Variants in CCDC28A observed in about 807,000 individuals in gnomAD.
CCDC28A encodes the protein coiled-coil domain containing 28A, also known as coiled-coil domain-containing protein 28A.
CCDC28A carries 24 observed loss-of-function variants against 22.1 expected under a neutral mutation model. That is an observed-to-expected ratio of 1.09 (90% CI 0.79 to 1.53). CCDC28A has a LOEUF of 1.53. Among genes scored for constraint, CCDC28A ranks in the 40% most tolerant of loss-of-function variants. The pLI is 0.00. For missense variants in CCDC28A, 170 were observed against 210.7 expected, an observed-to-expected ratio of 0.81 and a Z score of 1.20; for synonymous variants, 83 against 74.7, an observed-to-expected ratio of 1.11 and a Z score of -0.57.
At chr6:138,783,382 CCTCAGCCTCCCAA>C (rs1282643446) in intron 3 of CCDC28A, among the ~76,000 whole-genome samples, 1 of 150,248 alleles carries the variant, frequency 6.7e-6, no homozygotes, top group Non-Finnish European at 1.5e-5. Flanking sequence ...CATCCTCCCA[CCTCAGCCTCCCAA>C]GTAGCTGGTA....
chr6:138,782,656 G>C (rs954669940), intron 3 of CCDC28A, among the ~76,000 whole-genome samples: 2 of 152,042 alleles, frequency 1.3e-5, no homozygotes, highest in African/African-American at 4.8e-5. Context: ...AGATATTTCT[G>C]TTTCTTCCAC....
intron 4 of CCDC28A, among the ~76,000 whole-genome samples, chr6:138,786,101 G>A (rs1388640481): frequency 6.6e-6 from 1 of 152,208 alleles, no homozygotes; most frequent in Non-Finnish European, 1.5e-5. Context: ...TGGCAGGGTT[G>A]CTTTTTTCTG....
chr6:138,774,043 A>G, intron 1 of CCDC28A, 141 bp downstream of exon 1: 1 of 1,028,514 alleles, frequency 9.7e-7, no homozygotes, highest in Non-Finnish European at 1.4e-6. Context: ...GTCAAGAGGG[A>G]TGCCCAGTGG....
chr6:138,782,774 A>G (rs1775038911), intron 3 of CCDC28A, among the ~76,000 whole-genome samples: 5 of 152,216 alleles, frequency 3.3e-5, no homozygotes, highest in Admixed American at 3.3e-4. Context: ...ACTAGCTTCA[A>G]CATTAGTAGT....
chr6:138,787,824 C>T (rs1297487346), intron 4 of CCDC28A, among the ~76,000 whole-genome samples: 2 of 149,510 alleles, frequency 1.3e-5, no homozygotes, highest in African/African-American at 4.9e-5. Flanking sequence ...GCATGCCTGG[C>T]CTCTCTCCTC....
intron 5 of CCDC28A, among the ~76,000 whole-genome samples, chr6:138,789,810 A>G (rs560289276): frequency 4.6e-5 from 7 of 152,278 alleles, no homozygotes; most frequent in African/African-American, 1.7e-4. Flanking sequence ...AAAAGAAATC[A>G]GGAAGTATAT....
intron 1 of CCDC28A, among the ~76,000 whole-genome samples, chr6:138,774,946 GTTTTGT>G (rs1774905244): frequency 1.3e-5 from 2 of 151,922 alleles, no homozygotes; most frequent in African/African-American, 4.8e-5. Flanking sequence ...TTTTTGTTTT[GTTTTGT>G]TTTGTTTTGT....
chr6:138,776,251 C>T lies in CCDC28A; in HGVS notation c.131C>T (p.Ser44Leu). The T allele has an allele frequency of 6.2e-7, 1 of 1,613,986 alleles. No homozygotes were observed. The highest frequency in any genetic ancestry group is 8.5e-7 in the Non-Finnish European group (1 of 1,179,894). The change falls in exon 2 of 6, where the codon TCA becomes TTA. Residue 44 changes from serine to leucine, a missense_variant. Physicochemically the swap from Ser to Leu is moderately radical, Grantham distance 145. Transcript: ENST00000617445. ...STGFSNPASQ[S>L]TSQRPKLKRV... Reference sequence around the variant, plus strand: ...GGGTTTTCAAATCCTGCATCACAGTCAACTTCACAGCGACCAAAGTTAAAA... The same window carrying T: ...GGGTTTTCAAATCCTGCATCACAGTTAACTTCACAGCGACCAAAGTTAAAA...
chr6:138,779,946 C>A lies in CCDC28A; in HGVS notation c.283C>A (p.Leu95Ile). ...VQEMERGLLS[L>I]LNDFHSGKLQ... ...GGAGATGGAGAGAGGGCTGCTCAGT[C>A]TTTTGAATGATTTCCACTCTGGAAA... Residue 95 changes from leucine to isoleucine, a missense_variant, in exon 3 of 6, where the codon CTT becomes ATT. Physicochemically the swap from Leu to Ile is conservative, Grantham distance 5 (BLOSUM62 2). Coordinates refer to ENST00000617445, the MANE Select transcript of CCDC28A (RefSeq NM_015439.3). The A allele has an allele frequency of 6.2e-7, 1 of 1,612,820 alleles. No homozygotes were observed. The highest frequency in any genetic ancestry group is 8.5e-7 in the Non-Finnish European group (1 of 1,179,504).
chr6:138,789,758 G>A (rs1775143298), intron 5 of CCDC28A, among the ~76,000 whole-genome samples: 1 of 152,178 alleles, frequency 6.6e-6, no homozygotes, highest in African/African-American at 2.4e-5. Context: ...CTGGGAGGTG[G>A]AGGTTGCAGT....
At chr6:138,778,827 G>A (rs937628567) in intron 2 of CCDC28A, among the ~76,000 whole-genome samples, 2 of 151,508 alleles carry the variant, frequency 1.3e-5, no homozygotes. Context: ...GAGTGCAGTG[G>A]TACAATCTCA....
At chr6:138,773,946 G>A (rs1287653844) in intron 1 of CCDC28A, 44 bp downstream of exon 1, 1 of 1,602,296 alleles carries the variant, frequency 6.2e-7, no homozygotes, top group Non-Finnish European at 8.5e-7. Context: ...TGCCCCTTTA[G>A]GCCCTTCCCA....
chr6:138,783,730 G>C (rs998683473), intron 3 of CCDC28A, among the ~76,000 whole-genome samples: 2 of 151,874 alleles, frequency 1.3e-5, no homozygotes, highest in African/African-American at 4.8e-5. Context: ...GAGCCACCGC[G>C]CCTGGCCTTG....
intron 5 of CCDC28A, among the ~76,000 whole-genome samples, chr6:138,792,410 C>T (rs1775184458): frequency 6.6e-6 from 1 of 151,882 alleles, no homozygotes; most frequent in Admixed American, 6.6e-5. Flanking sequence ...TTGGCACATG[C>T]CTTTGGGAGG....
At chr6:138,788,467 A>G in intron 5 of CCDC28A, 79 bp downstream of exon 5, 2 of 673,006 alleles carry the variant, frequency 3.0e-6, no homozygotes, top group Non-Finnish European at 4.8e-6. Context: ...AGTTTTAGAA[A>G]GATGTGTTAT....
In CCDC28A at chr6:138,785,291, G is replaced by C; in HGVS notation, c.387G>C (p.Leu129Phe). ...GAATGCAGGAGAAATTAGCTCGCTT[G>C]AATTTGGAGCTCTATGGGGAGTTAG... ...VRGMQEKLAR[L>F]NLELYGELEE... is the part of the protein sequence containing the mutation. The change falls in exon 4 of 6, where the codon TTG (leucine) becomes TTC (phenylalanine). Residue 129 changes from leucine (L) to phenylalanine (F), a missense_variant. Leu to Phe is a conservative substitution (Grantham distance 22). Transcript: ENST00000617445. 6.2e-7 allele frequency: 1 copy of C among 1,613,440 alleles called. No homozygotes were observed. The highest frequency in any genetic ancestry group is 8.5e-7 in the Non-Finnish European group (1 of 1,179,436).
At position 138,773,777 on chromosome 6, in the gene CCDC28A, A is replaced by T. The variant is rs557024762; in HGVS notation, c.-168A>T. 32 of 1,613,092 alleles carry T rather than the reference A, an allele frequency of 2.0e-5. No individual in the cohort carries two copies. In the South Asian group the frequency reaches 3.5e-4, roughly 18 times the overall value. On this transcript the variant is annotated 5_prime_UTR_variant, in exon 1 of 6. Coordinates refer to ENST00000617445, the MANE Select transcript of CCDC28A (RefSeq NM_015439.3). Reference sequence around the variant, plus strand: ...CCTCTTACGTCACTTCCGTAAACAAACGGAGCTGCGGAGGAGCGGGTCCCG... The same window carrying T: ...CCTCTTACGTCACTTCCGTAAACAATCGGAGCTGCGGAGGAGCGGGTCCCG...
intron 3 of CCDC28A, 113 bp downstream of exon 3, chr6:138,780,098 G>A: frequency 1.4e-6 from 1 of 736,202 alleles, no homozygotes; most frequent in Non-Finnish European, 2.0e-6. Flanking sequence ...GAAAAAAAGA[G>A]CCCACAGGCA....
chr6:138,785,360 T>C lies in CCDC28A; in HGVS notation c.456T>C (p.Asn152=), dbSNP rs1434856232. ...EDKRKTASDS[N]LDRLLSDLEE... ...AGAGAAAAACAGCCAGTGACTCCAA[T>C]CTGGATAGGCTTCTGTCAGATGTAA... Residue 152 remains asparagine (N), a synonymous_variant, in exon 4 of 6, where the codon AAT becomes AAC. Coordinates refer to ENST00000617445, the MANE Select transcript of CCDC28A (RefSeq NM_015439.3). 1.2e-6 allele frequency: 2 copies of C among 1,613,552 alleles called. No individual in the cohort carries two copies. Among genetic ancestry groups the C allele is most frequent in the African/African-American group, 2.7e-5 (2 of 74,918 alleles).
Sources: gnomAD v4.1 joint callset for allele counts (sites outside exome capture counted in the v4.1 genomes callset) on GRCh38, gnomAD v4.1.1 for gene constraint, MANE v1.5 for transcripts, NCBI Gene and HGNC (gene_info 2026-07-23, HGNC 2026-07-21) for gene names.